CHRAC1: variants seen among roughly 807,000 people sequenced by gnomAD.
CHRAC1 encodes chromatin accessibility complex subunit 1.
CHRAC1 carries 6 observed loss-of-function variants against 9.1 expected under a neutral mutation model. That is an observed-to-expected ratio of 0.66 (90% CI 0.36 to 1.29). The LOEUF (loss-of-function observed/expected upper bound fraction) is 1.29, where lower values mean the gene tolerates loss of function less well. Among genes scored for constraint, CHRAC1 ranks in the 50% most tolerant of loss-of-function variants. The pLI, the probability that CHRAC1 is intolerant of heterozygous loss-of-function variation, is 0.03. For synonymous variants in CHRAC1, 73 were observed against 64.5 expected, an observed-to-expected ratio of 1.13 and a Z score of -0.63; for missense variants, 168 against 163.5, an observed-to-expected ratio of 1.03 and a Z score of -0.15.
At chr8:140,512,171 C>A (rs1002390423) in intron 1 of CHRAC1, 2 of 438,262 alleles carry the variant, frequency 4.6e-6, no homozygotes, top group Non-Finnish European at 7.9e-6. Flanking sequence ...TTTGGGGGCT[C>A]TTTCACCCGC....
Position 140,511,380 on chromosome 8 carries a change from C to A in CHRAC1, c.-120C>A. ...TCCCGGCCTCGCGGCCTCGCCTCCC[C>A]ACACTACAACTCCCACGGGGCAGCG... On this transcript the variant is annotated 5_prime_UTR_variant, in exon 1 of 3. Transcript: ENST00000220913. 3 of 945,006 alleles carry A rather than the reference C, an allele frequency of 3.2e-6. No individual in the cohort carries two copies. The highest frequency in any genetic ancestry group is 4.2e-6 in the Non-Finnish European group (3 of 714,180). 58.5% of individuals were successfully genotyped at this position (945,006 alleles called of 1,614,324 possible). A position where few individuals can be genotyped will look rare whatever the true frequency, so the allele number is the denominator to read the frequency against.
Position 140,516,475 on chromosome 8 carries a change from A to G in CHRAC1, c.*1228A>G, listed in dbSNP as rs914263518. 2.0e-5 allele frequency: 3 copies of G among 152,168 alleles called. No homozygotes were observed. The highest frequency in any genetic ancestry group is 2.9e-5 in the Non-Finnish European group (2 of 68,036). 9.4% of individuals were successfully genotyped at this position (152,168 alleles called of 1,614,324 possible). The stretch of plus-strand genomic sequence containing the variant: ...CTTCATTATCTCTTTTTTAAAAATG[A>G]AAAAGTTTATAATTTACATTCAGTA... On this transcript the variant is annotated 3_prime_UTR_variant, in exon 3 of 3. Coordinates refer to ENST00000220913, the MANE Select transcript of CHRAC1 (RefSeq NM_017444.6).
chr8:140,513,592 C>T (rs1356859439), intron 1 of CHRAC1, among the ~76,000 whole-genome samples: 4 of 151,504 alleles, frequency 2.6e-5, no homozygotes, highest in Admixed American at 1.3e-4. Context: ...CCACCATGCC[C>T]GGCTAATTTT....
intron 1 of CHRAC1, 173 bp downstream of exon 1, chr8:140,511,819 C>CCCCCACACTTTCTCGCGCGT (rs2132813035): frequency 1.3e-6 from 1 of 793,072 alleles, no homozygotes; most frequent in East Asian, 4.0e-5. Context: ...TGCCCGCGCG[C>CCCCCACACTTTCTCGCGCGT]CCCCACACTT....
chr8:140,515,449 AC>A lies in CHRAC1; in HGVS notation c.*205del. 1 of 418,862 alleles carries A rather than the reference AC, an allele frequency of 2.4e-6. No homozygotes were observed. Among genetic ancestry groups the A allele is most frequent in the Non-Finnish European group, 4.1e-6 (1 of 241,958 alleles). 25.9% of individuals were successfully genotyped at this position (418,862 alleles called of 1,614,324 possible). On this transcript the variant is annotated 3_prime_UTR_variant, in exon 3 of 3. Transcript: ENST00000220913. ...GCCACAGACAGCCAGAGGGAAAGCG[AC>A]CCAGACAGCAGCCCCTCCTCGACAG...
Position 140,515,119 on chromosome 8 carries a change from T to G in CHRAC1, c.275-7T>G. 6.2e-7 allele frequency: 1 copy of G among 1,610,722 alleles called. No homozygotes were observed. Reference sequence around the variant, plus strand: ...CCAATTGCTGATGTACGCTTTATGTTTTTAAGATATATTACCAAAGAAGAT... The same window carrying G: ...CCAATTGCTGATGTACGCTTTATGTGTTTAAGATATATTACCAAAGAAGAT... On this transcript the variant is annotated splice_region_variant and splice_polypyrimidine_tract_variant and intron_variant, in intron 2 of 2. Coordinates refer to ENST00000220913, the MANE Select transcript of CHRAC1 (RefSeq NM_017444.6).
At chr8:140,512,747 T>G (rs1032883923) in intron 1 of CHRAC1, among the ~76,000 whole-genome samples, 4 of 152,270 alleles carry the variant, frequency 2.6e-5, no homozygotes, top group African/African-American at 9.6e-5. Flanking sequence ...ATTCAGCATT[T>G]CATCTGGGGA....
At chr8:140,513,413 A>C (rs2072300596) in intron 1 of CHRAC1, among the ~76,000 whole-genome samples, 1 of 152,196 alleles carries the variant, frequency 6.6e-6, no homozygotes. Flanking sequence ...AGAATTTTTG[A>C]ATGGCTTTTT....
In CHRAC1 at chr8:140,515,508, G is replaced by C. The variant is rs1588418861; in HGVS notation, c.*261G>C. 3.6e-6 allele frequency: 1 copy of C among 278,558 alleles called. No homozygotes were observed. The highest frequency in any genetic ancestry group is 6.7e-6 in the Non-Finnish European group (1 of 149,604). The allele number at this position is 278,558 out of a possible 1,614,324, so 17.3% of individuals were successfully genotyped here. On this transcript the variant is annotated 3_prime_UTR_variant, in exon 3 of 3. Coordinates refer to ENST00000220913, the MANE Select transcript of CHRAC1 (RefSeq NM_017444.6). The stretch of plus-strand genomic sequence containing the variant: ...CTGCAGCTCAGGCACCAAGAAAACA[G>C]CCGATACTGGCAGCCATTGCAGCTC...
At chr8:140,511,813 C>T (rs76108642) in intron 1 of CHRAC1, 167 bp downstream of exon 1, 1 of 780,674 alleles carries the variant, frequency 1.3e-6, no homozygotes. Context: ...CTTCGGTGCC[C>T]GCGCGCCCCC....
Position 140,514,443 on chromosome 8 carries a change from C to T in CHRAC1, c.222C>T (p.Tyr74=), listed in dbSNP as rs776208502. The change falls in exon 2 of 3, where the codon TAC becomes TAT. Residue 74 remains tyrosine (Y), a synonymous_variant. Transcript: ENST00000220913. ...GAAAGGAAAAGAAAGTACTGACTTA[C>T]AGTGATTTAGCAAACACTGCACAGC... ...GSGKEKKVLT[Y]SDLANTAQQS... 2.7e-5 allele frequency: 42 copies of T among 1,583,214 alleles called. No homozygotes were observed. The highest frequency in any genetic ancestry group is 3.5e-5 in the Non-Finnish European group (41 of 1,171,256).
Position 140,514,367 on chromosome 8 carries a change from A to G in CHRAC1, c.148-2A>G. 6.3e-7 allele frequency: 1 copy of G among 1,577,342 alleles called. No individual in the cohort carries two copies. Among genetic ancestry groups the G allele is most frequent in the Non-Finnish European group, 8.5e-7 (1 of 1,169,924 alleles). ...TCATTTGCATTTTTCATTTTGTTCT[A>G]GGAGCTCTTTGTTCAATGCCTAGCC... is the stretch of plus-strand genomic sequence containing the variant. On this transcript the variant is annotated splice_acceptor_variant, in intron 1 of 2. Coordinates refer to ENST00000220913, the MANE Select transcript of CHRAC1 (RefSeq NM_017444.6). LOFTEE classifies it high-confidence loss of function.
In CHRAC1 at chr8:140,511,532, CG is replaced by C; in HGVS notation, c.37del (p.Glu13SerfsTer16). 2 of 1,399,434 alleles carry C rather than the reference CG, an allele frequency of 1.4e-6. No individual in the cohort carries two copies. Among genetic ancestry groups the C allele is most frequent in the South Asian group, 1.6e-5 (1 of 60,724 alleles). The allele number at this position is 1,399,434 out of a possible 1,614,324, so 86.7% of individuals were successfully genotyped here. A position where few individuals can be genotyped will look rare whatever the true frequency, so the allele number is the denominator to read the frequency against. ...ADVVVGKDKGGEQRLISLPLS... is the reference protein window; with the variant it reads ...ADVVVGKDKGXEQRLISLPLS... ...ACGTGGTCGTGGGTAAAGACAAGGG[CG>C]GGGAGCAGCGGCTCATCTCGCTGCC... is the stretch of plus-strand genomic sequence containing the variant. On this transcript the variant is annotated frameshift_variant, in exon 1 of 3. Transcript: ENST00000220913. LOFTEE classifies it high-confidence loss of function.
intron 1 of CHRAC1, chr8:140,512,146 T>C (rs2072283581): frequency 8.3e-6 from 5 of 602,054 alleles, no homozygotes; most frequent in South Asian, 3.5e-5. Context: ...AGTGGCGCTC[T>C]TCTCATTTGG....
intron 1 of CHRAC1, among the ~76,000 whole-genome samples, chr8:140,513,943 C>T (rs1468716928): frequency 8.7e-5 from 8 of 91,966 alleles, no homozygotes; most frequent in Admixed American, 1.6e-4. Context: ...TTTTTTGAGA[C>T]GGAGTCTTGC....
intron 2 of CHRAC1, chr8:140,514,903 G>GAC: frequency 2.2e-6 from 1 of 453,006 alleles, no homozygotes; most frequent in Non-Finnish European, 4.0e-6. Context: ...AGCTCATAGA[G>GAC]ACACCATGGT....
At chr8:140,513,913 CTTT>C (rs57880666) in intron 1 of CHRAC1, among the ~76,000 whole-genome samples, 5 of 87,470 alleles carry the variant, frequency 5.7e-5, no homozygotes, top group African/African-American at 8.6e-5. Context: ...CCAGTGATTT[CTTT>C]TTTTTTTTTT....
intron 1 of CHRAC1, among the ~76,000 whole-genome samples, chr8:140,513,649 G>A (rs1169020035): frequency 6.6e-6 from 1 of 151,116 alleles, no homozygotes; most frequent in Non-Finnish European, 1.5e-5. Flanking sequence ...GTTTCACCGT[G>A]TTAGCCAGGA....
chr8:140,515,001 G>C lies in CHRAC1; in HGVS notation c.275-125G>C, dbSNP rs73360434. The stretch of plus-strand genomic sequence containing the variant: ...GATATTTTACCCAGAAATGCAGCCT[G>C]AATTTCATCTTGTTTTGGAACCTCT... On this transcript the variant is annotated intron_variant, in intron 2 of 2. Coordinates refer to ENST00000220913, the MANE Select transcript of CHRAC1 (RefSeq NM_017444.6). The C allele has an allele frequency of 6.9e-5, 65 of 937,416 alleles. No homozygotes were observed. The African/African-American group carries it at 9.8e-4, about 14-fold the overall frequency. 58.1% of individuals were successfully genotyped at this position (937,416 alleles called of 1,614,324 possible). A position where few individuals can be genotyped will look rare whatever the true frequency, so the allele number is the denominator to read the frequency against.
Sources: gnomAD v4.1 joint callset for allele counts (sites outside exome capture counted in the v4.1 genomes callset) on GRCh38, gnomAD v4.1.1 for gene constraint, MANE v1.5 for transcripts, NCBI Gene and HGNC (gene_info 2026-07-23, HGNC 2026-07-21) for gene names.